Variants in HS6ST2 observed in about 807,000 individuals in gnomAD.
The protein encoded by HS6ST2 is heparan-sulfate 6-O-sulfotransferase 2.
A neutral mutation model predicts 33.0 loss-of-function variants in HS6ST2; 17 were observed. The observed-to-expected ratio is 0.52, with a 90% CI of 0.35 to 0.77. HS6ST2 has a LOEUF of 0.77. Ranked by LOEUF, HS6ST2 falls within the 30% of genes least tolerant of loss-of-function variation. The pLI is 0.01. For synonymous variants in HS6ST2, 248 were observed against 237.1 expected, an observed-to-expected ratio of 1.05 and a Z score of -0.42; for missense variants, 519 against 551.7, an observed-to-expected ratio of 0.94 and a Z score of 0.59.
intron 2 of HS6ST2, among the ~76,000 whole-genome samples, chrX:132,810,397 A>T (rs770381165): frequency 1.1e-5 from 1 of 93,413 alleles, no homozygotes; most frequent in East Asian, 2.9e-4. Flanking sequence ...CAGTGAGATC[A>T]TGAGAAAGAA....
chrX:132,647,195 C>T (rs2063652389), intron 4 of HS6ST2, among the ~76,000 whole-genome samples: 1 of 111,359 alleles, frequency 9.0e-6, no homozygotes, highest in Admixed American at 9.5e-5. Context: ...CATCCCACCT[C>T]ATGCTGTGTG....
At chrX:132,884,850 T>G (rs2066230610) in intron 2 of HS6ST2, among the ~76,000 whole-genome samples, 1 of 110,061 alleles carries the variant, frequency 9.1e-6, no homozygotes, top group East Asian at 2.9e-4. Context: ...TGATGAGGAG[T>G]GATATTGTTG....
intron 3 of HS6ST2, among the ~76,000 whole-genome samples, chrX:132,675,440 G>T (rs919613315): frequency 8.9e-6 from 1 of 111,806 alleles, no homozygotes; most frequent in Non-Finnish European, 1.9e-5. Flanking sequence ...TCTAAATCAG[G>T]TAACTTAGTT....
intron 2 of HS6ST2, among the ~76,000 whole-genome samples, chrX:132,828,630 C>A (rs2065549840): frequency 1.0e-5 from 1 of 99,700 alleles, no homozygotes; most frequent in African/African-American, 3.7e-5. Context: ...GCACTACATA[C>A]CAACTAGGCA....
chrX:132,659,254 A>G (rs1263337103), intron 4 of HS6ST2, among the ~76,000 whole-genome samples: 1 of 112,384 alleles, frequency 8.9e-6, no homozygotes, highest in Admixed American at 9.4e-5. Context: ...TTTATAGTTC[A>G]GTCATCAGTG....
intron 2 of HS6ST2, among the ~76,000 whole-genome samples, chrX:132,823,773 C>A (rs768444670): frequency 9.6e-6 from 1 of 104,570 alleles, no homozygotes; most frequent in African/African-American, 3.5e-5. Flanking sequence ...ATCACTTGAA[C>A]CCAGGAGGTG....
At chrX:132,754,647 A>T (rs750367889) in intron 2 of HS6ST2, among the ~76,000 whole-genome samples, 1 of 108,623 alleles carries the variant, frequency 9.2e-6, no homozygotes, top group South Asian at 4.1e-4. Context: ...TTGATCTCTG[A>T]CCTCATGATC....
chrX:132,958,567 C>T lies in HS6ST2; in HGVS notation c.36G>A (p.Glu12=). The change falls in exon 1 of 5, where the codon GAG becomes GAA. Residue 12 remains glutamate, a synonymous_variant. Transcript: ENST00000370833. ...ALPACAVREF[E]PPRQPERGAP... ...CTCCTCGCTCCGGTTGCCGCGGCGG[C>T]TCGAACTCCCGGACTGCACACGCAG... 8.5e-7 allele frequency: 1 copy of T among 1,181,683 alleles called. No homozygotes were observed. The highest frequency in any genetic ancestry group is 3.1e-5 in the East Asian group (1 of 32,104).
intron 3 of HS6ST2, among the ~76,000 whole-genome samples, chrX:132,686,497 A>G (rs2064016963): frequency 9.0e-6 from 1 of 111,153 alleles, no homozygotes; most frequent in South Asian, 3.9e-4. Context: ...CTCATTAGGG[A>G]ATGAGAGGTA....
intron 2 of HS6ST2, among the ~76,000 whole-genome samples, chrX:132,908,887 A>G (rs751097325): frequency 2.6e-4 from 29 of 109,939 alleles, no homozygotes; most frequent in African/African-American, 9.0e-4. Flanking sequence ...TGAATTACAC[A>G]TCAAAAAAGT....
chrX:132,760,649 CTG>C (rs961807254), intron 2 of HS6ST2, among the ~76,000 whole-genome samples: 9 of 111,683 alleles, frequency 8.1e-5, no homozygotes, highest in Non-Finnish European at 1.3e-4. Context: ...GCATGTACAA[CTG>C]TGTGTATACA....
At position 132,628,787 on chromosome X, in the gene HS6ST2, C is replaced by T. The variant is rs1338571562; in HGVS notation, c.1374G>A (p.Leu458=). The T allele has an allele frequency of 1.7e-6, 2 of 1,211,786 alleles. No individual in the cohort carries two copies. The highest frequency in any genetic ancestry group is 2.2e-6 in the Non-Finnish European group (2 of 895,444). ...MPEKQRNKVL[L]ESAKSNLKHM... is the part of the protein sequence containing the mutation. ...GCTTCAGATTTGACTTGGCACTTTC[C>T]AGAAGGACCTTGTTTCTTTGCTTTT... The change falls in exon 5 of 5, where the codon CTG becomes CTA. Residue 458 remains leucine (L), a synonymous_variant. Transcript: ENST00000370833.
Position 132,670,749 on chromosome X carries a change from G to C in HS6ST2, c.981-1550C>G, listed in dbSNP as rs376738155. Among the ~76,000 whole-genome samples the C allele has an allele frequency of 4.4e-5, 5 of 112,714 alleles. No homozygotes were observed. In the East Asian group the frequency reaches 1.4e-3, roughly 32 times the overall value. The stretch of plus-strand genomic sequence containing the variant: ...AATAGCTTGAACCCGGGAGGTGGAG[G>C]TTGCAGTGAGCCAAAATTGTGCGAT... On this transcript the variant is annotated intron_variant, in intron 3 of 4. Transcript: ENST00000370833.
intron 2 of HS6ST2, among the ~76,000 whole-genome samples, chrX:132,881,531 G>A (rs2066173530): frequency 9.0e-6 from 1 of 111,394 alleles, no homozygotes; most frequent in South Asian, 3.8e-4. Context: ...TTAGCCCTTT[G>A]TCAGATGGGT....
rs746595964 is a variant in HS6ST2, at chrX:132,956,701, G to A, written c.947+107C>T. The A allele has an allele frequency of 8.1e-5, 78 of 958,727 alleles. No individual in the cohort carries two copies. The African/African-American group carries it at 1.4e-3, about 18-fold the overall frequency. 79.0% of individuals were successfully genotyped at this position (958,727 alleles called of 1,213,427 possible). On this transcript the variant is annotated intron_variant, in intron 2 of 4. Transcript: ENST00000370833. ...GCACCTGCCCAGCCGGGGTGCAAACGCCCGGGCGTCAGGGTGCGCGCTAGG... is the reference window on the plus strand; with the variant it reads ...GCACCTGCCCAGCCGGGGTGCAAACACCCGGGCGTCAGGGTGCGCGCTAGG...
At chrX:132,862,691 T>C (rs2065924118) in intron 2 of HS6ST2, among the ~76,000 whole-genome samples, 1 of 112,132 alleles carries the variant, frequency 8.9e-6, no homozygotes, top group South Asian at 3.7e-4. Context: ...CTACCAGAGT[T>C]AGGTGGTGCT....
intron 2 of HS6ST2, among the ~76,000 whole-genome samples, chrX:132,900,379 G>T (rs753365498): frequency 9.0e-6 from 1 of 111,199 alleles, no homozygotes; most frequent in South Asian, 3.8e-4. Flanking sequence ...ATTAAATATT[G>T]GTTTCTCATT....
chrX:132,813,297 T>A (rs1236336778), intron 2 of HS6ST2, among the ~76,000 whole-genome samples: 7 of 111,902 alleles, frequency 6.3e-5, no homozygotes, highest in African/African-American at 2.3e-4. Flanking sequence ...CGTTTCCTTA[T>A]TGAAATTCCC....
At chrX:132,685,255 A>T (rs187892989) in intron 3 of HS6ST2, among the ~76,000 whole-genome samples, 1 of 112,240 alleles carries the variant, frequency 8.9e-6, no homozygotes, top group African/African-American at 3.2e-5. Context: ...CACAAGCTCA[A>T]TAATTCACTC....
Sources: allele counts gnomAD v4.1 joint callset (sites outside exome capture counted in the v4.1 genomes callset), GRCh38; gene constraint gnomAD v4.1.1; transcripts MANE v1.5; gene names NCBI Gene and HGNC (gene_info 2026-07-23, HGNC 2026-07-21).